The following ATXN10 variants were observed in gnomAD, a reference collection of about 807,000 sequenced individuals.
ATXN10 encodes the protein ataxin 10.
In ATXN10, 28 loss-of-function variants were observed where a neutral mutation model predicts 52.9. That is an observed-to-expected ratio of 0.53 (90% confidence interval 0.39 to 0.73). The LOEUF (loss-of-function observed/expected upper bound fraction) is 0.73. Ranked by LOEUF, ATXN10 falls within the 30% of genes least tolerant of loss-of-function variation. ATXN10 has a pLI of 0.00. For synonymous variants in ATXN10, 226 were observed against 221.5 expected (o/e 1.02, Z -0.18); for missense variants, 565 against 577.0 (o/e 0.98, Z 0.21).
At chr22:45,691,710 A>G (rs1274956986) in intron 2 of ATXN10, among the ~76,000 whole-genome samples, 1 of 152,238 alleles carries the variant, frequency 6.6e-6, no homozygotes, top group Non-Finnish European at 1.5e-5. Context: ...CCTGGCCAGC[A>G]TGGTGAAACC....
rs867349009 is a variant in ATXN10 at position 45,780,391 on chromosome 22, T to G, written c.1174-26568T>G. 1.2e-4 allele frequency among the ~76,000 whole-genome samples: 18 copies of G among 152,230 alleles called. No individual in the cohort carries two copies. Among genetic ancestry groups the G allele is most frequent in the Non-Finnish European group, 1.3e-4 (9 of 68,034 alleles). The stretch of plus-strand genomic sequence containing the variant: ...GAGCCACTGTGCCCGTCGGACTGTT[T>G]GCTCTCATGAGAGCAGGGTGTGAAA... On this transcript the variant is annotated intron_variant, in intron 9 of 11. Coordinates refer to ENST00000252934, the MANE Select transcript of ATXN10 (RefSeq NM_013236.4). The surrounding 1 kb of genome is among the most constrained non-coding windows in gnomAD (Gnocchi z 4.0).
intron 3 of ATXN10, 38 bp from the exon 4 acceptor site, chr22:45,700,231 TATTGTGTTTAATC>T: frequency 8.2e-7 from 1 of 1,216,776 alleles, no homozygotes; most frequent in Non-Finnish European, 1.2e-6. Context: ...TGCATTTATT[TATTGTGTTTAATC>T]ATTTATTTAT....
At chr22:45,798,023 A>G (rs1403015142) in intron 9 of ATXN10, among the ~76,000 whole-genome samples, 4 of 152,258 alleles carry the variant, frequency 2.6e-5, no homozygotes, top group South Asian at 2.1e-4. Flanking sequence ...TAAAAATTAA[A>G]TGTGTAGTTT....
rs774747542 is a variant in ATXN10 at position 45,820,099 on chromosome 22, G to A, written c.1237+13077G>A. The stretch of plus-strand genomic sequence containing the variant: ...ATCATTTCTATCAGGATCAGGAAGT[G>A]TTCTATTCTCTGTACCAGTTATTCT... On this transcript the variant is annotated intron_variant, in intron 10 of 11. Coordinates refer to ENST00000252934, the MANE Select transcript of ATXN10 (RefSeq NM_013236.4). This position sits in a 1 kb window ranked among gnomAD's most constrained non-coding sequence, Gnocchi z 4.9. Among the ~76,000 whole-genome samples, 8 of 152,222 alleles carry A rather than the reference G, an allele frequency of 5.3e-5. No homozygotes were observed. Among genetic ancestry groups the A allele is most frequent in the Non-Finnish European group, 1.2e-4 (8 of 68,044 alleles).
intron 5 of ATXN10, among the ~76,000 whole-genome samples, chr22:45,716,984 A>G (rs1216670208): frequency 6.6e-6 from 1 of 152,112 alleles, no homozygotes; most frequent in African/African-American, 2.4e-5. Flanking sequence ...TTGGGTCCTG[A>G]CTTCCTTTTG....
Position 45,738,796 on chromosome 22 carries a change from C to A in ATXN10, c.960C>A (p.Leu320=), listed in dbSNP as rs138622808. The change falls in exon 8 of 12, where the codon CTC becomes CTA. Residue 320 remains leucine, a synonymous_variant. Transcript: ENST00000252934. ...LCEMTVNTEL[L]GYLQVFPGLL... is the part of the protein sequence containing the mutation. The stretch of plus-strand genomic sequence containing the variant: ...AAATGACTGTGAATACTGAGCTGCT[C>A]GGCTATCTGCAGGTTTTCCCTGGCT... The A allele has an allele frequency of 2.9e-5, 46 of 1,613,954 alleles. No homozygotes were observed. Among genetic ancestry groups the A allele is most frequent in the Non-Finnish European group, 3.9e-5 (46 of 1,180,010 alleles).
intron 5 of ATXN10, among the ~76,000 whole-genome samples, chr22:45,716,854 AAGAG>A (rs1355933155): frequency 6.6e-6 from 1 of 152,216 alleles, no homozygotes; most frequent in African/African-American, 2.4e-5. Context: ...AGAAAAAAGA[AAGAG>A]AGCACTAATT....
At chr22:45,698,185 A>G (rs1297537886) in intron 3 of ATXN10, among the ~76,000 whole-genome samples, 1 of 152,116 alleles carries the variant, frequency 6.6e-6, no homozygotes, top group African/African-American at 2.4e-5. Flanking sequence ...GCTGGGTCAT[A>G]TGGTAACTCT....
chr22:45,764,038 T>A (rs1398942038), intron 9 of ATXN10, among the ~76,000 whole-genome samples: 2 of 152,178 alleles, frequency 1.3e-5, no homozygotes, highest in Non-Finnish European at 2.9e-5. Context: ...TCCGGCAGCC[T>A]CTCTGCTTCT....
rs1441196674 is a variant in ATXN10, at chr22:45,820,194, A to C, written c.1237+13172A>C. Reference sequence around the variant, plus strand: ...TTCTGTGAAGGGTTCTTCGAAGGAAAATCTCTAATGGGACTTATAAGCAGG... The same window carrying C: ...TTCTGTGAAGGGTTCTTCGAAGGAACATCTCTAATGGGACTTATAAGCAGG... On this transcript the variant is annotated intron_variant, in intron 10 of 11. Coordinates refer to ENST00000252934, the MANE Select transcript of ATXN10 (RefSeq NM_013236.4). This position sits in a 1 kb window ranked among gnomAD's most constrained non-coding sequence, Gnocchi z 4.9. Among the ~76,000 whole-genome samples, 1 of 152,208 alleles carries C rather than the reference A, an allele frequency of 6.6e-6. No individual in the cohort carries two copies. Among genetic ancestry groups the C allele is most frequent in the African/African-American group, 2.4e-5 (1 of 41,442 alleles).
chr22:45,686,818 C>CA (rs66702783), intron 1 of ATXN10, among the ~76,000 whole-genome samples: 315 of 123,514 alleles, frequency 2.6e-3, no homozygotes, highest in Middle Eastern at 3.9e-3. Context: ...GACTCCATCT[C>CA]AAAAAAAAAA....
At chr22:45,704,029 A>G (rs1362446688) in intron 5 of ATXN10, 1 of 152,062 alleles carries the variant, frequency 6.6e-6, no homozygotes, top group Non-Finnish European at 1.5e-5. Context: ...ATCCAAGGTC[A>G]CCAGGGCACT....
At chr22:45,740,722 A>ATC in intron 9 of ATXN10, 184 bp downstream of exon 9, 1 of 428,180 alleles carries the variant, frequency 2.3e-6, no homozygotes, top group African/African-American at 2.3e-5. Flanking sequence ...ACACACACAT[A>ATC]TATATACACA....
intron 9 of ATXN10, among the ~76,000 whole-genome samples, chr22:45,788,777 G>A (rs1177396441): frequency 4.6e-5 from 7 of 151,764 alleles, no homozygotes; most frequent in Non-Finnish European, 1.5e-5. Context: ...CAGCCTCCCT[G>A]GTAGCTGGGA....
chr22:45,683,599 A>T lies in ATXN10; in HGVS notation c.117-6113A>T, dbSNP rs951181757. ...AAATACTACTTTTAAAATAAGGTTT[A>T]AATAATATCTTATGTACAAAATCTT... On this transcript the variant is annotated intron_variant, in intron 1 of 11. Transcript: ENST00000252934. This position sits in a 1 kb window ranked among gnomAD's most constrained non-coding sequence, Gnocchi z 4.8. Among the ~76,000 whole-genome samples, 1 of 152,192 alleles carries T rather than the reference A, an allele frequency of 6.6e-6. No individual in the cohort carries two copies. The highest frequency in any genetic ancestry group is 1.5e-5 in the Non-Finnish European group (1 of 68,032).
At chr22:45,756,061 A>C (rs753906234) in intron 9 of ATXN10, among the ~76,000 whole-genome samples, 3 of 152,108 alleles carry the variant, frequency 2.0e-5, no homozygotes, top group Non-Finnish European at 4.4e-5. Context: ...TCTCTGAGAG[A>C]GGTGACCACT....
Position 45,746,583 on chromosome 22 carries a change from C to T in ATXN10, c.1173+6045C>T, listed in dbSNP as rs138767673. 9.4e-3 allele frequency among the ~76,000 whole-genome samples: 1,434 copies of T among 152,062 alleles called. 14 individuals carry two copies. The highest frequency in any genetic ancestry group is 0.011 in the Non-Finnish European group (748 of 67,992). ...TTCTTTTTGCAACTGTAAAATAGGC[C>T]GGGGTGGCATGGCCCTTGGTGCTCA... On this transcript the variant is annotated intron_variant, in intron 9 of 11. Coordinates refer to ENST00000252934, the MANE Select transcript of ATXN10 (RefSeq NM_013236.4).
chr22:45,817,318 C>CTTTTT (rs11326332), intron 10 of ATXN10, among the ~76,000 whole-genome samples: 2 of 98,710 alleles, frequency 2.0e-5, no homozygotes, highest in Non-Finnish European at 2.0e-5. Context: ...ATTGATTTAA[C>CTTTTT]TTTTTTTTTT....
chr22:45,780,498 C>T lies in ATXN10; in HGVS notation c.1174-26461C>T, dbSNP rs1023763581. Among the ~76,000 whole-genome samples, 7 of 152,300 alleles carry T rather than the reference C, an allele frequency of 4.6e-5. No homozygotes were observed. Among genetic ancestry groups the T allele is most frequent in the Non-Finnish European group, 8.8e-5 (6 of 68,026 alleles). On this transcript the variant is annotated intron_variant, in intron 9 of 11. Coordinates refer to ENST00000252934, the MANE Select transcript of ATXN10 (RefSeq NM_013236.4). The surrounding 1 kb of genome is among the most constrained non-coding windows in gnomAD (Gnocchi z 4.0). Reference sequence around the variant, plus strand: ...TGGAGTCAGGCAGACCTAGGTTCAACCCTGGCCCTGCTGTGGAGTGGATGT... The same window carrying T: ...TGGAGTCAGGCAGACCTAGGTTCAATCCTGGCCCTGCTGTGGAGTGGATGT...
Sources: allele counts gnomAD v4.1 joint callset (sites outside exome capture counted in the v4.1 genomes callset), GRCh38; gene constraint gnomAD v4.1.1; non-coding constraint Gnocchi (gnomAD v3.1); transcripts MANE v1.5; gene names NCBI Gene and HGNC (gene_info 2026-07-23, HGNC 2026-07-21).